SDK2: variants seen among roughly 807,000 people sequenced by gnomAD.
SDK2 encodes sidekick cell adhesion molecule 2, also known as protein sidekick-2.
In SDK2, 105 loss-of-function variants were observed where a neutral mutation model predicts 253.9. The observed-to-expected ratio is 0.41, with a 90% CI of 0.35 to 0.49. The LOEUF is 0.49. Ranked by LOEUF, SDK2 falls within the 20% of genes least tolerant of loss-of-function variation. SDK2 has a pLI of 0.06. For missense variants in SDK2, 2,608 were observed against 3,003.0 expected, an observed-to-expected ratio of 0.87 and a Z score of 3.07; for synonymous variants, 1,249 against 1,234.9, an observed-to-expected ratio of 1.01 and a Z score of -0.24.
chr17:73,474,720 G>A (rs1028823301), intron 2 of SDK2, among the ~76,000 whole-genome samples: 1 of 152,176 alleles, frequency 6.6e-6, no homozygotes, highest in Non-Finnish European at 1.5e-5. Context: ...CTCCCGAGGC[G>A]AGGGGAGGCC....
chr17:73,583,392 TG>T (rs1045012059), intron 1 of SDK2, among the ~76,000 whole-genome samples: 2 of 152,184 alleles, frequency 1.3e-5, no homozygotes, highest in African/African-American at 4.8e-5. Context: ...TTTGGGCTGC[TG>T]GGGGTCTGCT....
At chr17:73,342,156 G>C (rs2145371342) in intron 44 of SDK2, among the ~76,000 whole-genome samples, 1 of 150,996 alleles carries the variant, frequency 6.6e-6, no homozygotes, top group Non-Finnish European at 1.5e-5. Context: ...ATGTTCTCTG[G>C]CCCCTCCCCT....
intron 1 of SDK2, among the ~76,000 whole-genome samples, chr17:73,595,659 G>A (rs2045747020): frequency 6.6e-6 from 1 of 152,208 alleles, no homozygotes; most frequent in South Asian, 2.1e-4. Flanking sequence ...ACAGCCCCAG[G>A]GCAGGCAGGA....
At position 73,350,372 on chromosome 17, in the gene SDK2, T is replaced by C; in HGVS notation, c.5903A>G (p.Asn1968Ser). Residue 1968 changes from asparagine (N) to serine (S), a missense_variant, in exon 43 of 45, where the codon AAC becomes AGC. Asn to Ser is a conservative substitution (Grantham distance 46). Transcript: ENST00000392650. ...KKYAKKTDSG[N>S]SAKSGALGHS... ...GCCTAGGGCTCCAGACTTGGCACTG[T>C]TCCCTGAAGTCGGCGGGAGATTGAC... The C allele has an allele frequency of 6.2e-7, 1 of 1,613,304 alleles. No homozygotes were observed. Among genetic ancestry groups the C allele is most frequent in the Non-Finnish European group, 8.5e-7 (1 of 1,179,594 alleles).
In SDK2 at chr17:73,435,918, T is replaced by C. The variant is rs2063364739; in HGVS notation, c.1001-274A>G. ...GGACAAACTAATTTATTTATTCTAT[T>C]TTTTATTTCTATTTGTGTAGAGATG... On this transcript the variant is annotated intron_variant, in intron 8 of 44. Coordinates refer to ENST00000392650, the MANE Select transcript of SDK2 (RefSeq NM_001144952.2). This position sits in a 1 kb window ranked among gnomAD's most constrained non-coding sequence, Gnocchi z 5.7. Among the ~76,000 whole-genome samples the C allele has an allele frequency of 6.6e-6, 1 of 152,130 alleles. No individual in the cohort carries two copies. Among genetic ancestry groups the C allele is most frequent in the South Asian group, 2.1e-4 (1 of 4,830 alleles).
At chr17:73,369,299 G>T in intron 36 of SDK2, 1 of 337,438 alleles carries the variant, frequency 3.0e-6, no homozygotes, top group Non-Finnish European at 6.5e-6. Context: ...GTGGCCTCAT[G>T]TCACCTGGGA....
intron 38 of SDK2, among the ~76,000 whole-genome samples, chr17:73,363,065 T>C (rs2062654754): frequency 6.6e-6 from 1 of 152,188 alleles, no homozygotes; most frequent in Non-Finnish European, 1.5e-5. Context: ...GCCTGACCTA[T>C]TTATTGACTA....
Position 73,447,826 on chromosome 17 carries a change from A to AG in SDK2, c.480-79dup. ...CCAGGGAGTGGGAGTGGAAACCCTA[A>AG]GGGGGAAGCCCGACCATATCTCCCA... On this transcript the variant is annotated intron_variant, in intron 4 of 44. Coordinates refer to ENST00000392650, the MANE Select transcript of SDK2 (RefSeq NM_001144952.2). The surrounding 1 kb of genome is among the most constrained non-coding windows in gnomAD (Gnocchi z 4.0). The AG allele has an allele frequency of 6.6e-7, 1 of 1,519,604 alleles. No homozygotes were observed. The highest frequency in any genetic ancestry group is 8.9e-7 in the Non-Finnish European group (1 of 1,121,260). 94.1% of individuals were successfully genotyped at this position (1,519,604 alleles called of 1,614,324 possible). A position where few individuals can be genotyped will look rare whatever the true frequency, so the allele number is the denominator to read the frequency against.
At chr17:73,499,404 G>T (rs1271241583) in intron 2 of SDK2, among the ~76,000 whole-genome samples, 1 of 152,222 alleles carries the variant, frequency 6.6e-6, no homozygotes, top group Non-Finnish European at 1.5e-5. Context: ...TGGGGGCTGG[G>T]GACCCAGCCT....
chr17:73,571,253 G>A (rs1411715981), intron 1 of SDK2, among the ~76,000 whole-genome samples: 3 of 152,160 alleles, frequency 2.0e-5, no homozygotes, highest in Non-Finnish European at 4.4e-5. Context: ...TTCTGTCAAG[G>A]CAATGAAGAG....
rs942057994 is a variant in SDK2 at position 73,576,045 on chromosome 17, A to G, written c.64+67980T>C. Reference sequence around the variant, plus strand: ...TGGGATGAGGAAGTTTGCACCAAGGACAGAGGCAGGGCAACTAGGTTCCTA... The same window carrying G: ...TGGGATGAGGAAGTTTGCACCAAGGGCAGAGGCAGGGCAACTAGGTTCCTA... On this transcript the variant is annotated intron_variant, in intron 1 of 44. Coordinates refer to ENST00000392650, the MANE Select transcript of SDK2 (RefSeq NM_001144952.2). Among the ~76,000 whole-genome samples, 3 of 152,336 alleles carry G rather than the reference A, an allele frequency of 2.0e-5. No homozygotes were observed. The East Asian group carries it at 5.8e-4, about 29-fold the overall frequency.
At chr17:73,491,561 C>T (rs1039529953) in intron 2 of SDK2, among the ~76,000 whole-genome samples, 3 of 152,092 alleles carry the variant, frequency 2.0e-5, no homozygotes, top group South Asian at 2.1e-4. Flanking sequence ...TTAGTAGAGA[C>T]GAGGTCTCGC....
intron 1 of SDK2, among the ~76,000 whole-genome samples, chr17:73,596,701 C>G (rs1361982012): frequency 6.6e-6 from 1 of 152,138 alleles, no homozygotes; most frequent in African/African-American, 2.4e-5. Context: ...GGACACAGGA[C>G]AGGGTGGCTG....
Position 73,581,483 on chromosome 17 carries a change from C to T in SDK2, c.64+62542G>A, listed in dbSNP as rs180716966. Among the ~76,000 whole-genome samples the T allele has an allele frequency of 9.1e-4, 139 of 152,346 alleles. 1 individual carries two copies. The highest frequency in any genetic ancestry group is 2.2e-3 in the African/African-American group (93 of 41,580). ...GGGTCTGGGGTCCACATACCAGCCC[C>T]GCCTGCCCCAGCTTGGCTGTGATAA... is the stretch of plus-strand genomic sequence containing the variant. On this transcript the variant is annotated intron_variant, in intron 1 of 44. Transcript: ENST00000392650.
intron 28 of SDK2, among the ~76,000 whole-genome samples, chr17:73,391,044 G>A (rs1309839018): frequency 6.6e-6 from 1 of 152,210 alleles, no homozygotes; most frequent in Non-Finnish European, 1.5e-5. Context: ...AACTCTAAAT[G>A]TGAGATGAAG....
intron 1 of SDK2, among the ~76,000 whole-genome samples, chr17:73,551,097 C>T (rs73996367): frequency 0.12 from 18,323 of 152,142 alleles, 1,215 homozygotes; most frequent in African/African-American, 0.15. Context: ...AAGGAAAGGA[C>T]CTGAGAGGTC....
chr17:73,383,293 T>C lies in SDK2; in HGVS notation c.4705+583A>G, dbSNP rs958855381. On this transcript the variant is annotated intron_variant, in intron 33 of 44. Coordinates refer to ENST00000392650, the MANE Select transcript of SDK2 (RefSeq NM_001144952.2). This position sits in a 1 kb window ranked among gnomAD's most constrained non-coding sequence, Gnocchi z 4.3. ...ACGTCTTTCCCTTGCCGTGGTCTTC[T>C]GGGCATCGGCTCTCCCTGACATTTC... Among the ~76,000 whole-genome samples, 7 of 152,242 alleles carry C rather than the reference T, an allele frequency of 4.6e-5. No individual in the cohort carries two copies. The East Asian group carries it at 1.3e-3, about 29-fold the overall frequency.
At chr17:73,637,498 C>T (rs1394085894) in intron 1 of SDK2, among the ~76,000 whole-genome samples, 1 of 152,230 alleles carries the variant, frequency 6.6e-6, no homozygotes, top group African/African-American at 2.4e-5. Flanking sequence ...CCTGCCTCAG[C>T]CTCCTAAGTA....
chr17:73,590,424 G>A (rs763855099), intron 1 of SDK2, among the ~76,000 whole-genome samples: 3 of 152,248 alleles, frequency 2.0e-5, no homozygotes, highest in Non-Finnish European at 4.4e-5. Flanking sequence ...AGCTGACTTT[G>A]CTCGTTGCCA....
Sources: allele counts gnomAD v4.1 joint callset (sites outside exome capture counted in the v4.1 genomes callset), GRCh38; gene constraint gnomAD v4.1.1; non-coding constraint Gnocchi (gnomAD v3.1); transcripts MANE v1.5; gene names NCBI Gene and HGNC (gene_info 2026-07-23, HGNC 2026-07-21).